LMOD1: variants seen among roughly 807,000 people sequenced by gnomAD.
LMOD1 encodes leiomodin-1.
A neutral mutation model predicts 36.5 loss-of-function variants in LMOD1; 8 were observed. The ratio of observed to expected loss-of-function variants is 0.22; its 90% CI spans 0.13 to 0.40. The LOEUF (loss-of-function observed/expected upper bound fraction) is 0.40, where lower values mean the gene tolerates loss of function less well. Among genes scored for constraint, LMOD1 ranks in the 10% least tolerant of loss-of-function variants. LMOD1 has a pLI of 1.00. For synonymous variants in LMOD1, 284 were observed against 288.7 expected, an observed-to-expected ratio of 0.98 and a Z score of 0.17; for missense variants, 630 against 751.1, an observed-to-expected ratio of 0.84 and a Z score of 1.88.
intron 1 of LMOD1, among the ~76,000 whole-genome samples, chr1:201,940,631 G>A (rs781315017): frequency 3.9e-5 from 4 of 102,616 alleles, no homozygotes; most frequent in Non-Finnish European, 9.0e-5. Flanking sequence ...TGTCAGCCAG[G>A]CTGGAGAGCA....
At chr1:201,931,154 G>A (rs1019909953) in intron 1 of LMOD1, among the ~76,000 whole-genome samples, 4 of 152,212 alleles carry the variant, frequency 2.6e-5, no homozygotes, top group Non-Finnish European at 5.9e-5. Context: ...AGCAAAGGTC[G>A]TGTGGAGGCA....
At chr1:201,909,543 C>A (rs1258648076) in intron 1 of LMOD1, among the ~76,000 whole-genome samples, 2 of 152,182 alleles carry the variant, frequency 1.3e-5, no homozygotes, top group Non-Finnish European at 2.9e-5. Flanking sequence ...CCATACCTGG[C>A]CTTGAGCCCA....
intron 1 of LMOD1, among the ~76,000 whole-genome samples, chr1:201,908,923 G>C (rs1182155246): frequency 2.0e-5 from 3 of 152,140 alleles, no homozygotes; most frequent in Non-Finnish European, 4.4e-5. Context: ...GACAGCATGC[G>C]ACCCAATCCG....
chr1:201,930,280 C>T (rs572989494), intron 1 of LMOD1, among the ~76,000 whole-genome samples: 89 of 152,122 alleles, frequency 5.9e-4, no homozygotes, highest in South Asian at 1.7e-3. Flanking sequence ...TCCAATGGCA[C>T]GAGAAGAGAG....
intron 1 of LMOD1, 71 bp downstream of exon 1, chr1:201,946,009 C>T: frequency 6.8e-7 from 1 of 1,477,186 alleles, no homozygotes. Flanking sequence ...AAGGAAGCAT[C>T]CTAATCATGA....
chr1:201,942,507 T>A, intron 1 of LMOD1, among the ~76,000 whole-genome samples: 1 of 152,032 alleles, frequency 6.6e-6, no homozygotes, highest in East Asian at 1.9e-4. Context: ...GAATATCCCA[T>A]CCCTTGGAGG....
chr1:201,932,247 G>C (rs1199623283), intron 1 of LMOD1, among the ~76,000 whole-genome samples: 1 of 152,154 alleles, frequency 6.6e-6, no homozygotes, highest in Non-Finnish European at 1.5e-5. Context: ...AGTCCATACT[G>C]AGAGTAGGTA....
intron 1 of LMOD1, among the ~76,000 whole-genome samples, chr1:201,943,130 T>C (rs1303998841): frequency 1.3e-5 from 2 of 152,196 alleles, no homozygotes; most frequent in Non-Finnish European, 2.9e-5. Context: ...CACTCTCTGA[T>C]GGTTCTATCC....
intron 1 of LMOD1, among the ~76,000 whole-genome samples, chr1:201,925,389 G>A (rs1681811393): frequency 6.6e-6 from 1 of 152,146 alleles, no homozygotes; most frequent in Non-Finnish European, 1.5e-5. Flanking sequence ...TCAGACCCAA[G>A]GCATTAGGTT....
At chr1:201,924,669 GAAAGAAAGAAAGAAAGAAAGA>G (rs1324585569) in intron 1 of LMOD1, among the ~76,000 whole-genome samples, 3 of 4,806 alleles carry the variant, frequency 6.2e-4, no homozygotes, top group Non-Finnish European at 1.7e-3. Context: ...AGAAAAAAAA[GAAAGAAAGAAAGAAAGAAAGA>G]AAGAAAGAAA....
rs866856102 is a variant in LMOD1 at position 201,901,575 on chromosome 1, T to C, written c.262-824A>G. Among the ~76,000 whole-genome samples, 73 of 34,048 alleles carry C rather than the reference T, an allele frequency of 2.1e-3. 5 individuals are homozygous for C. Among genetic ancestry groups the C allele is most frequent in the Non-Finnish European group, 3.3e-3 (62 of 18,634 alleles). 22.3% of individuals were successfully genotyped at this position (34,048 alleles called of 152,430 possible). A position where few individuals can be genotyped will look rare whatever the true frequency, so the allele number is the denominator to read the frequency against. ...ATACATATATATATGTATATATATA[T>C]ATATATATACATATATATATGTATA... On this transcript the variant is annotated intron_variant, in intron 1 of 2. Transcript: ENST00000367288.
chr1:201,903,360 C>G (rs1681361513), intron 1 of LMOD1, among the ~76,000 whole-genome samples: 1 of 152,092 alleles, frequency 6.6e-6, no homozygotes, highest in South Asian at 2.1e-4. Flanking sequence ...GCCCCAAGGT[C>G]CAGCTGCACT....
chr1:201,930,348 G>C (rs949281721), intron 1 of LMOD1, among the ~76,000 whole-genome samples: 1 of 152,096 alleles, frequency 6.6e-6, no homozygotes, highest in Non-Finnish European at 1.5e-5. Context: ...GATATGCATG[G>C]GAGTAATAGA....
chr1:201,925,210 C>T (rs1681806936), intron 1 of LMOD1, among the ~76,000 whole-genome samples: 1 of 149,632 alleles, frequency 6.7e-6, no homozygotes, highest in Non-Finnish European at 1.5e-5. Flanking sequence ...AAAACTCCAG[C>T]TCAAAAAAAA....
intron 1 of LMOD1, among the ~76,000 whole-genome samples, chr1:201,927,878 T>C (rs1169358994): frequency 6.6e-6 from 1 of 152,216 alleles, no homozygotes; most frequent in African/African-American, 2.4e-5. Context: ...GTGCTGTGTT[T>C]GGAATGTGTC....
At position 201,900,029 on chromosome 1, in the gene LMOD1, A is replaced by G. The variant is rs575923690; in HGVS notation, c.984T>C (p.Asn328=). The G allele has an allele frequency of 8.1e-6, 13 of 1,613,760 alleles. No individual in the cohort carries two copies. The African/African-American group carries it at 1.7e-4, about 22-fold the overall frequency. Reference sequence around the variant, plus strand: ...CGTTCACCTCAGTCATCTCGGGGTCATTGTTCTTCACTCTCTCCAGAGGCT... The same window carrying G: ...CGTTCACCTCAGTCATCTCGGGGTCGTTGTTCTTCACTCTCTCCAGAGGCT... The part of the protein sequence containing the change: ...FDEPLERVKN[N]DPEMTEVNVN... Residue 328 remains asparagine, a synonymous_variant, in exon 2 of 3, where the codon AAT becomes AAC. Coordinates refer to ENST00000367288, the MANE Select transcript of LMOD1 (RefSeq NM_012134.3).
intron 1 of LMOD1, among the ~76,000 whole-genome samples, chr1:201,921,184 C>A (rs185501725): frequency 6.1e-4 from 92 of 151,518 alleles, no homozygotes; most frequent in African/African-American, 2.1e-3. Context: ...AAATGCCTAA[C>A]AGGTTGGCAT....
intron 1 of LMOD1, among the ~76,000 whole-genome samples, chr1:201,933,336 C>G (rs1681957896): frequency 6.6e-6 from 1 of 151,370 alleles, no homozygotes; most frequent in South Asian, 2.1e-4. Flanking sequence ...ATCGCGTGAA[C>G]CCGGAAGGTG....
chr1:201,930,124 G>A (rs2102925928), intron 1 of LMOD1, among the ~76,000 whole-genome samples: 1 of 152,308 alleles, frequency 6.6e-6, no homozygotes, highest in Non-Finnish European at 1.5e-5. Flanking sequence ...TCAAGGAGAA[G>A]AGTATTCGTA....
Sources: allele counts gnomAD v4.1 joint callset (sites outside exome capture counted in the v4.1 genomes callset), GRCh38; gene constraint gnomAD v4.1.1; transcripts MANE v1.5; gene names NCBI Gene and HGNC (gene_info 2026-07-23, HGNC 2026-07-21).